Variants in CCDC7 observed in about 807,000 individuals in gnomAD.
CCDC7 encodes coiled-coil domain containing 7, also known as coiled-coil domain-containing protein 7.
A neutral mutation model predicts 196.9 loss-of-function variants in CCDC7; 183 were observed. The observed-to-expected ratio is 0.93, with a 90% CI of 0.82 to 1.05. The LOEUF (loss-of-function observed/expected upper bound fraction) is 1.05, where lower values mean the gene tolerates loss of function less well. Ranked by LOEUF, CCDC7 falls within the 50% of genes least tolerant of loss-of-function variation. CCDC7 has a pLI of 0.00. For missense variants in CCDC7, 1,540 were observed against 1,482.2 expected, an observed-to-expected ratio of 1.04 and a Z score of -0.64; for synonymous variants, 525 against 484.6, an observed-to-expected ratio of 1.08 and a Z score of -1.10.
chr10:32,722,143 A>G lies in CCDC7; in HGVS notation c.2570-4591A>G, dbSNP rs139810883. Among the ~76,000 whole-genome samples, 1,076 of 152,248 alleles carry G rather than the reference A, an allele frequency of 7.1e-3. 13 individuals carry two copies. The highest frequency in any genetic ancestry group is 0.025 in the African/African-American group (1,025 of 41,548). On this transcript the variant is annotated intron_variant, in intron 25 of 41. Coordinates refer to ENST00000639629, the Ensembl canonical transcript of CCDC7. ...AGTTCATGGATTTTTTTTGGTAGAC[A>G]ATAGCATTAGGTACTATTAATCAGG...
chr10:32,704,999 C>T (rs1378781961), intron 24 of CCDC7, among the ~76,000 whole-genome samples: 2 of 152,242 alleles, frequency 1.3e-5, no homozygotes, highest in East Asian at 1.9e-4. Context: ...GGGTCCCGCT[C>T]AGTGCGCTGC....
chr10:32,517,957 T>C, exon 10 of CCDC7: 3 of 1,591,322 alleles, frequency 1.9e-6, no homozygotes, highest in South Asian at 1.1e-5. Context: ...CTGTAAATGA[T>C]CAAGTTTTGT....
chr10:32,520,118 C>G (rs1024920682), intron 11 of CCDC7, among the ~76,000 whole-genome samples: 2 of 152,006 alleles, frequency 1.3e-5, no homozygotes, highest in African/African-American at 4.8e-5. Flanking sequence ...CAGTCATACG[C>G]TGATGGACAC....
intron 13 of CCDC7, among the ~76,000 whole-genome samples, chr10:32,560,296 C>T (rs889348773): frequency 1.7e-4 from 26 of 152,272 alleles, no homozygotes; most frequent in African/African-American, 6.3e-4. Flanking sequence ...GGCAGGCCAA[C>T]ACTCAGATTC....
intron 29 of CCDC7, among the ~76,000 whole-genome samples, chr10:32,787,621 A>C (rs181234616): frequency 7.9e-5 from 12 of 152,286 alleles, no homozygotes; most frequent in African/African-American, 2.6e-4. Context: ...CCACTGGGGT[A>C]AAATCCAATG....
At chr10:32,716,640 A>G (rs1398983227) in intron 25 of CCDC7, among the ~76,000 whole-genome samples, 1 of 152,246 alleles carries the variant, frequency 6.6e-6, no homozygotes, top group African/African-American at 2.4e-5. Flanking sequence ...GGTGTGCTGT[A>G]TTCAGGAGAT....
At chr10:32,828,497 AG>A (rs1430986840) in intron 32 of CCDC7, among the ~76,000 whole-genome samples, 1 of 94,364 alleles carries the variant, frequency 1.1e-5, no homozygotes, top group Non-Finnish European at 2.2e-5. Flanking sequence ...AAGAAGAAGA[AG>A]AAGAAGAAGA....
chr10:32,446,266 A>G (rs565977596), exon 1 of CCDC7: 1 of 152,320 alleles, frequency 6.6e-6, no homozygotes, highest in East Asian at 1.9e-4. Context: ...GAGTCTGAGG[A>G]GTTTTCAGGC....
intron 18 of CCDC7, among the ~76,000 whole-genome samples, chr10:32,591,774 G>C (rs928262917): frequency 1.6e-4 from 24 of 152,140 alleles, no homozygotes; most frequent in African/African-American, 5.8e-4. Flanking sequence ...TTAGCTTTTG[G>C]TGAATGCTGC....
In CCDC7 at chr10:32,518,523, G is replaced by A. The variant is rs1346108270; in HGVS notation, c.993+18G>A. ...ACAAAGAGGTTGGAAAAATTTTAGT[G>A]TTTGAAAATGGCATACACCTAATAA... is the stretch of plus-strand genomic sequence containing the variant. On this transcript the variant is annotated intron_variant, in intron 11 of 41. Coordinates refer to ENST00000639629, the Ensembl canonical transcript of CCDC7. 6.3e-7 allele frequency: 1 copy of A among 1,595,998 alleles called. No homozygotes were observed. Among genetic ancestry groups the A allele is most frequent in the Non-Finnish European group, 8.5e-7 (1 of 1,171,846 alleles).
chr10:32,876,434 T>C (rs775248204), downstream of CCDC7: 4 of 1,560,092 alleles, frequency 2.6e-6, no homozygotes, highest in Non-Finnish European at 3.5e-6. Flanking sequence ...ACATGACAAA[T>C]TCAGAAATGC....
At chr10:32,829,661 T>G (rs1014463084) in intron 32 of CCDC7, among the ~76,000 whole-genome samples, 1 of 152,152 alleles carries the variant, frequency 6.6e-6, no homozygotes, top group Admixed American at 6.6e-5. Context: ...TTATGTATGA[T>G]CTCAGGAGAT....
intron 28 of CCDC7, among the ~76,000 whole-genome samples, chr10:32,765,926 C>G (rs12359061): frequency 0.14 from 20,802 of 151,824 alleles, 1,763 homozygotes; most frequent in East Asian, 0.25. Context: ...GCTGGAAAGT[C>G]TAGCAATGCA....
chr10:32,568,842 G>A (rs2057216646), intron 15 of CCDC7, among the ~76,000 whole-genome samples: 1 of 152,206 alleles, frequency 6.6e-6, no homozygotes, highest in Non-Finnish European at 1.5e-5. Context: ...ATTACAGTGA[G>A]TAATATTGAG....
chr10:32,876,741 A>G (rs1225520665), downstream of CCDC7: 1 of 183,160 alleles, frequency 5.5e-6, no homozygotes, highest in Admixed American at 6.1e-5. Context: ...AAAAGATGTA[A>G]AAAATATATG....
intron 29 of CCDC7, among the ~76,000 whole-genome samples, chr10:32,794,922 T>A (rs1592823126): frequency 2.0e-5 from 3 of 152,178 alleles, no homozygotes; most frequent in African/African-American, 4.8e-5. Context: ...CTACTCAGGC[T>A]AGAGACGTCC....
At chr10:32,532,310 C>T (rs145439949) in intron 11 of CCDC7, among the ~76,000 whole-genome samples, 7 of 152,154 alleles carry the variant, frequency 4.6e-5, no homozygotes, top group South Asian at 2.1e-4. Context: ...TGTTTAGGAA[C>T]GTGGTAACAT....
At chr10:32,533,726 T>C (rs1576988) in intron 11 of CCDC7, among the ~76,000 whole-genome samples, 126,764 of 152,010 alleles carry the variant, frequency 0.83, 53,484 homozygotes, top group Non-Finnish European at 0.9. Context: ...TCTCATTCTA[T>C]TGCCTCCTGG....
chr10:32,558,850 C>A (rs565605165), intron 13 of CCDC7, among the ~76,000 whole-genome samples: 135 of 152,228 alleles, frequency 8.9e-4, no homozygotes, highest in Non-Finnish European at 9.1e-4. Flanking sequence ...ATGCGTGAGC[C>A]GAAGCAGGGC....
Sources: allele counts gnomAD v4.1 joint callset (sites outside exome capture counted in the v4.1 genomes callset), GRCh38; gene constraint gnomAD v4.1.1; transcripts MANE v1.5; gene names NCBI Gene and HGNC (gene_info 2026-07-23, HGNC 2026-07-21).